Variants in FAM133B observed in about 807,000 individuals in gnomAD.
FAM133B encodes the protein family with sequence similarity 133 member B.
Under a neutral mutation model 46.4 loss-of-function variants are expected in FAM133B, and 25 were observed. That is an observed-to-expected ratio of 0.54 (90% confidence interval 0.39 to 0.75). FAM133B has a LOEUF of 0.75. Ranked by LOEUF, FAM133B falls within the 30% of genes least tolerant of loss-of-function variation. The pLI is 0.00. For missense variants in FAM133B, 205 were observed against 277.6 expected, an observed-to-expected ratio of 0.74 and a Z score of 1.86; for synonymous variants, 75 against 86.0, an observed-to-expected ratio of 0.87 and a Z score of 0.71.
chr7:92,590,064 G>C, intron 1 of FAM133B: 1 of 645,820 alleles, frequency 1.5e-6, no homozygotes, highest in Non-Finnish European at 2.6e-6. Context: ...AAAAAGGGGC[G>C]GGCAAGAGAG....
chr7:92,564,400 A>G (rs936311066), intron 10 of FAM133B, among the ~76,000 whole-genome samples: 13 of 152,202 alleles, frequency 8.5e-5, no homozygotes, highest in African/African-American at 3.1e-4. Context: ...GTTGCTTCAT[A>G]CATACACACT....
intron 2 of FAM133B, among the ~76,000 whole-genome samples, chr7:92,579,930 TA>T (rs1794817257): frequency 6.6e-6 from 1 of 152,192 alleles, no homozygotes; most frequent in African/African-American, 2.4e-5. Context: ...AAGACATACT[TA>T]AAAGACTGGC....
At chr7:92,587,476 ATC>A (rs1795067355) in intron 1 of FAM133B, among the ~76,000 whole-genome samples, 1 of 152,134 alleles carries the variant, frequency 6.6e-6, no homozygotes, top group African/African-American at 2.4e-5. Flanking sequence ...CACTCCTGTA[ATC>A]CGAACACTTT....
At chr7:92,581,475 C>G in intron 2 of FAM133B, 31 bp downstream of exon 2, 1 of 1,562,244 alleles carries the variant, frequency 6.4e-7, no homozygotes, top group Non-Finnish European at 8.8e-7. Context: ...TTGATAAAAG[C>G]TTATAAATAG....
intron 5 of FAM133B, 81 bp from the exon 6 acceptor site, chr7:92,577,798 AAT>A: frequency 8.8e-7 from 1 of 1,130,788 alleles, no homozygotes; most frequent in Non-Finnish European, 1.3e-6. Context: ...TACTTAGTGA[AAT>A]CAATCTAGTG....
chr7:92,580,207 A>T (rs951317693), intron 2 of FAM133B, among the ~76,000 whole-genome samples: 1 of 150,170 alleles, frequency 6.7e-6, no homozygotes, highest in African/African-American at 2.5e-5. Context: ...CCAAGTAGCT[A>T]AGACTACAGG....
At chr7:92,581,127 G>A (rs1794856517) in intron 2 of FAM133B, among the ~76,000 whole-genome samples, 1 of 152,174 alleles carries the variant, frequency 6.6e-6, no homozygotes, top group Non-Finnish European at 1.5e-5. Flanking sequence ...TTGAAAAGCT[G>A]GCAGATAAAA....
chr7:92,579,147 C>CT (rs1408606926), intron 3 of FAM133B, 170 bp downstream of exon 3: 291 of 582,536 alleles, frequency 5.0e-4, no homozygotes, highest in Middle Eastern at 1.4e-3. Context: ...AAGGTATTTT[C>CT]TTTTTTTTAA....
intron 1 of FAM133B, among the ~76,000 whole-genome samples, chr7:92,589,474 G>A (rs932136935): frequency 6.6e-6 from 1 of 152,114 alleles, no homozygotes; most frequent in Non-Finnish European, 1.5e-5. Context: ...TTCATGCCCA[G>A]TACTCGCTCA....
At chr7:92,573,291 G>C (rs1253051975) in intron 8 of FAM133B, among the ~76,000 whole-genome samples, 1 of 150,948 alleles carries the variant, frequency 6.6e-6, no homozygotes, top group Admixed American at 6.6e-5. Flanking sequence ...CTTCAGTCTC[G>C]GGAGAAACTA....
At position 92,580,674 on chromosome 7, in the gene FAM133B, G is replaced by A. The variant is rs182371783; in HGVS notation, c.122+832C>T. On this transcript the variant is annotated intron_variant, in intron 2 of 10. Coordinates refer to ENST00000445716, the MANE Select transcript of FAM133B (RefSeq NM_152789.4). Reference sequence around the variant, plus strand: ...CAGTAATAAATCTTACCATGAGTACGACTATCTGCTGAAACTCCAGTGAGT... The same window carrying A: ...CAGTAATAAATCTTACCATGAGTACAACTATCTGCTGAAACTCCAGTGAGT... Among the ~76,000 whole-genome samples, 31 of 152,292 alleles carry A rather than the reference G, an allele frequency of 2.0e-4. 1 individual carries two copies. The highest frequency in any genetic ancestry group is 1.8e-3 in the Admixed American group (28 of 15,294).
chr7:92,577,070 G>C, intron 7 of FAM133B, 33 bp downstream of exon 7: 1 of 1,267,354 alleles, frequency 7.9e-7, no homozygotes, highest in Non-Finnish European at 1.1e-6. Flanking sequence ...AAATGTCTTT[G>C]TATCCAATAT....
chr7:92,587,021 CA>C (rs1795054711), intron 1 of FAM133B, among the ~76,000 whole-genome samples: 1 of 152,164 alleles, frequency 6.6e-6, no homozygotes, highest in South Asian at 2.1e-4. Flanking sequence ...TGAAATGTAA[CA>C]AATGTACCAC....
At chr7:92,579,181 G>T (rs1051192199) in intron 3 of FAM133B, 136 bp downstream of exon 3, 2 of 663,968 alleles carry the variant, frequency 3.0e-6, no homozygotes, top group Non-Finnish European at 5.2e-6. Context: ...GGCGGGGGGG[G>T]GCCTTACTTT....
intron 10 of FAM133B, chr7:92,565,713 T>C: frequency 3.4e-6 from 1 of 293,090 alleles, no homozygotes; most frequent in South Asian, 6.0e-5. Context: ...TCCACCTGCC[T>C]CAGCCTCTCA....
At chr7:92,588,833 C>T (rs1024577515) in intron 1 of FAM133B, among the ~76,000 whole-genome samples, 1 of 152,140 alleles carries the variant, frequency 6.6e-6, no homozygotes, top group Non-Finnish European at 1.5e-5. Flanking sequence ...CTCTTGGTCC[C>T]GCTCCTGCCA....
intron 10 of FAM133B, among the ~76,000 whole-genome samples, chr7:92,562,789 T>A (rs1268704312): frequency 6.6e-6 from 1 of 152,212 alleles, no homozygotes; most frequent in Non-Finnish European, 1.5e-5. Flanking sequence ...TTTGCCAGTT[T>A]TAAGTAAATA....
intron 9 of FAM133B, among the ~76,000 whole-genome samples, chr7:92,566,818 G>C (rs1794364516): frequency 6.6e-6 from 1 of 152,220 alleles, no homozygotes; most frequent in Non-Finnish European, 1.5e-5. Context: ...TCTATATTCA[G>C]TGTAGTTAGT....
At chr7:92,582,019 C>CA in intron 1 of FAM133B, among the ~76,000 whole-genome samples, 1 of 152,088 alleles carries the variant, frequency 6.6e-6, no homozygotes, top group Non-Finnish European at 1.5e-5. Flanking sequence ...GAGGTTGAGG[C>CA]AGGTGGAACA....
Sources: allele counts gnomAD v4.1 joint callset (sites outside exome capture counted in the v4.1 genomes callset), GRCh38; gene constraint gnomAD v4.1.1; transcripts MANE v1.5; gene names NCBI Gene and HGNC (gene_info 2026-07-23, HGNC 2026-07-21).